The following AIG1 variants were observed in gnomAD, a reference collection of about 807,000 sequenced individuals.
AIG1 encodes androgen induced 1.
In AIG1, 23 loss-of-function variants were observed where a neutral mutation model predicts 31.4. The ratio of observed to expected loss-of-function variants is 0.73; its 90% CI spans 0.53 to 1.04. The LOEUF is 1.04. Among genes scored for constraint, AIG1 ranks in the 50% least tolerant of loss-of-function variants. The pLI is 0.00. For missense variants in AIG1, 274 were observed against 295.0 expected (o/e 0.93, Z 0.52); for synonymous variants, 100 against 110.5 (o/e 0.90, Z 0.60).
Position 143,334,228 on chromosome 6 carries a change from A to G in AIG1, c.679+783A>G, listed in dbSNP as rs1025955783. On this transcript the variant is annotated intron_variant, in intron 5 of 5. Coordinates refer to ENST00000357847, the MANE Select transcript of AIG1 (RefSeq NM_016108.4). The surrounding 1 kb of genome is among the most constrained non-coding windows in gnomAD (Gnocchi z 5.1). ...CCTGCATGAAAATACATCCAAAGGC[A>G]AGATGGTTTGGAGATTTTAGGAAGC... 1.1e-6 allele frequency: 1 copy of G among 884,642 alleles called. No homozygotes were observed. The highest frequency in any genetic ancestry group is 2.3e-5 in the South Asian group (1 of 43,190). 54.8% of individuals were successfully genotyped at this position (884,642 alleles called of 1,614,324 possible).
At chr6:143,324,933 G>A (rs990908749) in intron 4 of AIG1, among the ~76,000 whole-genome samples, 2 of 152,130 alleles carry the variant, frequency 1.3e-5, no homozygotes, top group African/African-American at 4.8e-5. Flanking sequence ...GACAGAATAG[G>A]ATGAAATTTG....
intron 1 of AIG1, among the ~76,000 whole-genome samples, chr6:143,095,070 A>C (rs958072287): frequency 2.0e-5 from 3 of 152,176 alleles, no homozygotes; most frequent in Non-Finnish European, 4.4e-5. Context: ...AGCAAAATTA[A>C]CATCCACAAT....
At chr6:143,260,553 C>T (rs1325087470) in intron 3 of AIG1, among the ~76,000 whole-genome samples, 1 of 152,096 alleles carries the variant, frequency 6.6e-6, no homozygotes, top group Non-Finnish European at 1.5e-5. Context: ...GCTGTGGTCG[C>T]AAGAAAGAAT....
intron 4 of AIG1, among the ~76,000 whole-genome samples, chr6:143,304,970 C>G (rs367746222): frequency 6.6e-6 from 1 of 151,912 alleles, no homozygotes; most frequent in African/African-American, 2.4e-5. Flanking sequence ...TGTATGTGTC[C>G]AGGAATTTAT....
intron 1 of AIG1, among the ~76,000 whole-genome samples, chr6:143,079,931 G>A (rs928026507): frequency 6.6e-6 from 1 of 152,032 alleles, no homozygotes; most frequent in African/African-American, 2.4e-5. Flanking sequence ...CATGCTCTCT[G>A]GCGATATATG....
intron 4 of AIG1, among the ~76,000 whole-genome samples, chr6:143,332,843 A>G (rs1341675244): frequency 1.3e-5 from 2 of 152,256 alleles, no homozygotes; most frequent in African/African-American, 4.8e-5. Context: ...GTAGAGACTG[A>G]GAAACTGCCA....
chr6:143,129,300 A>G (rs1782999317), intron 1 of AIG1, among the ~76,000 whole-genome samples: 1 of 151,772 alleles, frequency 6.6e-6, no homozygotes. Flanking sequence ...CAAAAAAAAT[A>G]AAAAAAGAAA....
intron 3 of AIG1, among the ~76,000 whole-genome samples, chr6:143,186,478 A>T (rs913637130): frequency 1.3e-5 from 2 of 152,190 alleles, no homozygotes; most frequent in Non-Finnish European, 2.9e-5. Flanking sequence ...TATCAAGTAC[A>T]TTAATTCATT....
At chr6:143,061,371 C>T (rs768978414) in intron 1 of AIG1, 11 of 507,500 alleles carry the variant, frequency 2.2e-5, no homozygotes, top group Non-Finnish European at 3.1e-5. Flanking sequence ...CGAACTGCTT[C>T]TAAGAGGTGA....
intron 3 of AIG1, among the ~76,000 whole-genome samples, chr6:143,176,534 A>C (rs1788177565): frequency 6.9e-6 from 1 of 144,878 alleles, no homozygotes; most frequent in Non-Finnish European, 1.5e-5. Flanking sequence ...CTGCTGTGGG[A>C]GATTGGGGGT....
chr6:143,073,926 A>T (rs927785871), intron 1 of AIG1, among the ~76,000 whole-genome samples: 4 of 152,214 alleles, frequency 2.6e-5, no homozygotes, highest in African/African-American at 9.6e-5. Flanking sequence ...ACCAGGCCTC[A>T]CCTCCAACAT....
chr6:143,209,459 G>A (rs563805943), intron 3 of AIG1, among the ~76,000 whole-genome samples: 1 of 152,232 alleles, frequency 6.6e-6, no homozygotes, highest in East Asian at 1.9e-4. Flanking sequence ...TAATCACGAG[G>A]GTCCTTTAAA....
At chr6:143,318,003 C>T (rs1489481554) in intron 4 of AIG1, among the ~76,000 whole-genome samples, 1 of 152,070 alleles carries the variant, frequency 6.6e-6, no homozygotes, top group African/African-American at 2.4e-5. Context: ...ATAGACTACA[C>T]AAACAAATGG....
intron 2 of AIG1, among the ~76,000 whole-genome samples, chr6:143,151,411 C>G (rs1444028532): frequency 6.6e-6 from 1 of 152,184 alleles, no homozygotes; most frequent in Non-Finnish European, 1.5e-5. Context: ...GCCAGCCTCT[C>G]CAAAAGTTCT....
rs146960806 is a variant in AIG1 at position 143,224,104 on chromosome 6, G to A, written c.399+58921G>A. 2.0e-5 allele frequency among the ~76,000 whole-genome samples: 3 copies of A among 152,048 alleles called. 1 individual carries two copies. Among genetic ancestry groups the A allele is most frequent in the Non-Finnish European group, 2.9e-5 (2 of 68,024 alleles). ...AGTCTCGTGCTTGGTGATGTCATCC[G>A]GTCCCAGGGTTTCAACTCCTGCATC... On this transcript the variant is annotated intron_variant, in intron 3 of 5. Transcript: ENST00000357847.
At chr6:143,196,439 A>G (rs1790253429) in intron 3 of AIG1, among the ~76,000 whole-genome samples, 1 of 151,870 alleles carries the variant, frequency 6.6e-6, no homozygotes, top group African/African-American at 2.4e-5. Context: ...GACTTAGAGT[A>G]TATGTCTTTC....
intron 3 of AIG1, among the ~76,000 whole-genome samples, chr6:143,223,494 A>G (rs550575481): frequency 6.6e-6 from 1 of 152,312 alleles, no homozygotes; most frequent in East Asian, 1.9e-4. Flanking sequence ...TCAAATGTAA[A>G]TAATTTGAAA....
chr6:143,309,476 A>C (rs115179321), intron 4 of AIG1, among the ~76,000 whole-genome samples: 4,495 of 152,094 alleles, frequency 0.03, 209 homozygotes, highest in African/African-American at 0.1. Context: ...AAAAATTATA[A>C]AAAGAAATAC....
chr6:143,207,053 G>A lies in AIG1; in HGVS notation c.399+41870G>A, dbSNP rs1791163296. 2.6e-5 allele frequency among the ~76,000 whole-genome samples: 4 copies of A among 152,104 alleles called. No homozygotes were observed. In the South Asian group the frequency reaches 6.2e-4, roughly 24 times the overall value. The stretch of plus-strand genomic sequence containing the variant: ...TAAATTCAAGAGATATTAAGGTGCT[G>A]TCCCTGTATCTATAAGAGTGGTACA... On this transcript the variant is annotated intron_variant, in intron 3 of 5. Coordinates refer to ENST00000357847, the MANE Select transcript of AIG1 (RefSeq NM_016108.4).
Sources: allele counts gnomAD v4.1 joint callset (sites outside exome capture counted in the v4.1 genomes callset), GRCh38; gene constraint gnomAD v4.1.1; non-coding constraint Gnocchi (gnomAD v3.1); transcripts MANE v1.5; gene names NCBI Gene and HGNC (gene_info 2026-07-23, HGNC 2026-07-21).